ZNF385B: variants seen among roughly 807,000 people sequenced by gnomAD.
ZNF385B encodes the protein zinc finger protein 385B.
Under a neutral mutation model 39.2 loss-of-function variants are expected in ZNF385B, and 23 were observed. The ratio of observed to expected loss-of-function variants is 0.59; its 90% CI spans 0.42 to 0.83. The LOEUF (loss-of-function observed/expected upper bound fraction) is 0.83. Among genes scored for constraint, ZNF385B ranks in the 40% least tolerant of loss-of-function variants. The probability of loss-of-function intolerance (pLI) is 0.00; values close to 1 mark genes in which losing one functional copy is unlikely to be tolerated. For missense variants in ZNF385B, 552 were observed against 598.9 expected, an observed-to-expected ratio of 0.92 and a Z score of 0.82; for synonymous variants, 205 against 222.6, an observed-to-expected ratio of 0.92 and a Z score of 0.70.
intron 3 of ZNF385B, among the ~76,000 whole-genome samples, chr2:179,632,654 G>T (rs1042364494): frequency 1.3e-5 from 2 of 152,036 alleles, no homozygotes; most frequent in South Asian, 4.2e-4. Flanking sequence ...AGAGAAGCAA[G>T]AGCAAACACA....
At chr2:179,828,718 C>T (rs1244736194) in intron 1 of ZNF385B, among the ~76,000 whole-genome samples, 4 of 152,146 alleles carry the variant, frequency 2.6e-5, no homozygotes, top group Non-Finnish European at 5.9e-5. Flanking sequence ...TTTCTTTAAA[C>T]AGGCCTATGT....
chr2:179,632,644 A>G (rs1691342745), intron 3 of ZNF385B, among the ~76,000 whole-genome samples: 1 of 152,232 alleles, frequency 6.6e-6, no homozygotes, highest in South Asian at 2.1e-4. Context: ...TGAAAGAACT[A>G]GAGAAGCAAG....
chr2:179,462,561 T>G (rs1239862931), intron 6 of ZNF385B, among the ~76,000 whole-genome samples: 1 of 151,980 alleles, frequency 6.6e-6, no homozygotes, highest in African/African-American at 2.4e-5. Flanking sequence ...AAGGTAGAAT[T>G]CCATTAAGAT....
chr2:179,658,041 A>G (rs77596983), intron 3 of ZNF385B, among the ~76,000 whole-genome samples: 7,402 of 152,302 alleles, frequency 0.049, 234 homozygotes, highest in Middle Eastern at 0.075. Flanking sequence ...GAGGTCATGG[A>G]TATGATATGA....
At chr2:179,553,436 TAAC>T (rs1329234006) in intron 3 of ZNF385B, among the ~76,000 whole-genome samples, 1 of 149,278 alleles carries the variant, frequency 6.7e-6, no homozygotes, top group African/African-American at 2.5e-5. Flanking sequence ...AAAATAATAA[TAAC>T]AACTGCTACC....
chr2:179,644,834 C>G (rs146436308), intron 3 of ZNF385B, among the ~76,000 whole-genome samples: 2 of 152,214 alleles, frequency 1.3e-5, no homozygotes, highest in African/African-American at 4.8e-5. Flanking sequence ...ATCTCTCTGA[C>G]CACAGTGTGT....
intron 3 of ZNF385B, among the ~76,000 whole-genome samples, chr2:179,593,834 G>A (rs561417421): frequency 6.6e-6 from 1 of 152,180 alleles, no homozygotes; most frequent in South Asian, 2.1e-4. Flanking sequence ...AATAGTCATA[G>A]GCCAGGAAGG....
chr2:179,504,671 G>A lies in ZNF385B; in HGVS notation c.552+13857C>T, dbSNP rs533294276. ...CAGGGCCTGTTGTGGGGTGGGGAGA[G>A]GGGGGAGGGATAGCATTAGGAGATA... On this transcript the variant is annotated intron_variant, in intron 5 of 9. Coordinates refer to ENST00000410066, the MANE Select transcript of ZNF385B (RefSeq NM_152520.6). Among the ~76,000 whole-genome samples, 189 of 147,930 alleles carry A rather than the reference G, an allele frequency of 1.3e-3. 2 individuals carry two copies. Among genetic ancestry groups the A allele is most frequent in the Non-Finnish European group, 2.3e-3 (159 of 67,940 alleles).
At chr2:179,676,370 G>C (rs555884618) in intron 3 of ZNF385B, among the ~76,000 whole-genome samples, 3 of 152,126 alleles carry the variant, frequency 2.0e-5, no homozygotes, top group Admixed American at 6.5e-5. Context: ...TTACAGGCGT[G>C]AGCCACCACG....
chr2:179,443,471 A>C lies in ZNF385B; in HGVS notation c.1243-3T>G, dbSNP rs369277460. ...TCTTTCTGGAATGCAAGTTTTGCCT[A>C]AGGGAGGGAGAAAACCAGGAATGGG... On this transcript the variant is annotated splice_polypyrimidine_tract_variant and splice_region_variant and intron_variant, in intron 9 of 9. Coordinates refer to ENST00000410066, the MANE Select transcript of ZNF385B (RefSeq NM_152520.6). The C allele has an allele frequency of 6.3e-7, 1 of 1,586,508 alleles. No homozygotes were observed. The highest frequency in any genetic ancestry group is 1.3e-5 in the African/African-American group (1 of 74,730).
chr2:179,505,187 C>G (rs190281595), intron 5 of ZNF385B, among the ~76,000 whole-genome samples: 4 of 151,848 alleles, frequency 2.6e-5, no homozygotes, highest in Admixed American at 2.6e-4. Context: ...TGACTGTATA[C>G]ATTCGTCAAA....
At chr2:179,591,989 G>A (rs373801655) in intron 3 of ZNF385B, among the ~76,000 whole-genome samples, 78 of 143,256 alleles carry the variant, frequency 5.4e-4, no homozygotes, top group African/African-American at 1.8e-3. Flanking sequence ...AAAATGAGGT[G>A]TTGTTAACAG....
At chr2:179,577,913 AT>A (rs1400427972) in intron 3 of ZNF385B, among the ~76,000 whole-genome samples, 2 of 152,080 alleles carry the variant, frequency 1.3e-5, no homozygotes, top group Admixed American at 1.3e-4. Flanking sequence ...ACATATATCC[AT>A]TTTTTATATT....
chr2:179,763,790 T>C (rs1703535130), intron 3 of ZNF385B, among the ~76,000 whole-genome samples: 1 of 152,210 alleles, frequency 6.6e-6, no homozygotes, highest in African/African-American at 2.4e-5. Context: ...GTTTTTCTAC[T>C]ACTAATTTCT....
chr2:179,554,197 T>A (rs1344159918), intron 3 of ZNF385B, among the ~76,000 whole-genome samples: 1 of 149,148 alleles, frequency 6.7e-6, no homozygotes, highest in Non-Finnish European at 1.5e-5. Flanking sequence ...CTATGCCATA[T>A]CCCAGGAGAG....
chr2:179,742,551 C>T (rs1388325631), intron 3 of ZNF385B, among the ~76,000 whole-genome samples: 7 of 151,772 alleles, frequency 4.6e-5, no homozygotes, highest in Admixed American at 2.6e-4. Flanking sequence ...TTTTTATATA[C>T]TAAATCTGGA....
chr2:179,608,717 A>T (rs1205899671), intron 3 of ZNF385B, among the ~76,000 whole-genome samples: 1 of 151,998 alleles, frequency 6.6e-6, no homozygotes, highest in African/African-American at 2.4e-5. Context: ...TGGACCTGAG[A>T]CTCTGCATTT....
chr2:179,443,600 C>A, intron 9 of ZNF385B, 132 bp from the exon 10 acceptor site: 1 of 733,158 alleles, frequency 1.4e-6, no homozygotes, highest in Non-Finnish European at 2.3e-6. Context: ...TCTCAGAAGT[C>A]AAGAAATCAT....
chr2:179,659,453 T>C (rs1172270440), intron 3 of ZNF385B, among the ~76,000 whole-genome samples: 2 of 152,102 alleles, frequency 1.3e-5, no homozygotes, highest in East Asian at 1.9e-4. Flanking sequence ...AAGCTTCCTA[T>C]ATCATCTTCT....
Sources: allele counts gnomAD v4.1 joint callset (sites outside exome capture counted in the v4.1 genomes callset), GRCh38; gene constraint gnomAD v4.1.1; transcripts MANE v1.5; gene names NCBI Gene and HGNC (gene_info 2026-07-23, HGNC 2026-07-21).